Variants in BLK observed in about 807,000 individuals in gnomAD.
BLK encodes tyrosine-protein kinase Blk.
Under a neutral mutation model 61.8 loss-of-function variants are expected in BLK, and 64 were observed. That is an observed-to-expected ratio of 1.03 (90% CI 0.85 to 1.27). BLK has a LOEUF of 1.27. Ranked by LOEUF, BLK falls within the 50% of genes most tolerant of loss-of-function variation. The pLI is 0.00. For missense variants in BLK, 853 were observed against 660.5 expected (o/e 1.29, Z -3.19); for synonymous variants, 351 against 272.0 (o/e 1.29, Z -2.86).
At chr8:11,515,185 G>C (rs1363918103) in intron 1 of BLK, among the ~76,000 whole-genome samples, 1 of 152,162 alleles carries the variant, frequency 6.6e-6, no homozygotes, top group Non-Finnish European at 1.5e-5. Context: ...GCTGTCCCCT[G>C]GGCTGGGTGG....
At chr8:11,548,411 T>C (rs1800744271) in intron 4 of BLK, among the ~76,000 whole-genome samples, 1 of 152,256 alleles carries the variant, frequency 6.6e-6, no homozygotes, top group South Asian at 2.1e-4. Context: ...CATGTGGACC[T>C]TGTCCTTTAT....
chr8:11,555,263 A>C, intron 7 of BLK, 69 bp from the exon 8 acceptor site: 1 of 1,606,528 alleles, frequency 6.2e-7, no homozygotes, highest in Non-Finnish European at 8.5e-7. Context: ...GCTAGGAATG[A>C]TACAGCTCCC....
chr8:11,549,891 A>G, intron 5 of BLK: 1 of 482,440 alleles, frequency 2.1e-6, no homozygotes, highest in Non-Finnish European at 3.8e-6. Context: ...TTTCCAAAGC[A>G]AAATTAACAA....
intron 1 of BLK, among the ~76,000 whole-genome samples, chr8:11,510,166 C>T (rs1416620936): frequency 2.6e-5 from 4 of 152,192 alleles, no homozygotes; most frequent in Non-Finnish European, 5.9e-5. Context: ...CTTTCCTAAT[C>T]CCTTCAAGGA....
intron 1 of BLK, among the ~76,000 whole-genome samples, chr8:11,538,604 G>A (rs192697286): frequency 5.3e-5 from 8 of 152,350 alleles, no homozygotes; most frequent in African/African-American, 1.9e-4. Flanking sequence ...GTGGACACAG[G>A]TGTTTGCCAG....
At chr8:11,505,103 C>G (rs1798719790) in intron 1 of BLK, among the ~76,000 whole-genome samples, 1 of 152,162 alleles carries the variant, frequency 6.6e-6, no homozygotes, top group Non-Finnish European at 1.5e-5. Flanking sequence ...CACAAAGATA[C>G]ACAGGCACAC....
intron 1 of BLK, among the ~76,000 whole-genome samples, chr8:11,512,924 C>T (rs1799073827): frequency 1.3e-5 from 2 of 152,208 alleles, no homozygotes; most frequent in Admixed American, 6.5e-5. Context: ...GCTTCGGCCT[C>T]CCAGACTGCT....
chr8:11,506,645 G>T (rs1023834537), intron 1 of BLK, among the ~76,000 whole-genome samples: 1 of 152,192 alleles, frequency 6.6e-6, no homozygotes, highest in Admixed American at 6.5e-5. Flanking sequence ...CTCCAGGGTG[G>T]GGTCTAAGTT....
rs571565311 is a variant in BLK at position 11,530,596 on chromosome 8, G to A, written c.-1-12628G>A. ...TCACAAATAATTTCCAAATTCTGGA[G>A]AAGGCAGGTAAAGAGAAAGAAATAT... On this transcript the variant is annotated intron_variant, in intron 1 of 12. Coordinates refer to ENST00000259089, the MANE Select transcript of BLK (RefSeq NM_001715.3). Among the ~76,000 whole-genome samples the A allele has an allele frequency of 1.4e-3, 207 of 152,310 alleles. 1 individual carries two copies. Among genetic ancestry groups the A allele is most frequent in the African/African-American group, 4.8e-3 (201 of 41,554 alleles).
chr8:11,542,349 C>T (rs559461676), intron 1 of BLK, among the ~76,000 whole-genome samples: 110 of 152,338 alleles, frequency 7.2e-4, no homozygotes, highest in African/African-American at 2.5e-3. Flanking sequence ...ACTAACAACA[C>T]GCCCTTCTGA....
intron 1 of BLK, among the ~76,000 whole-genome samples, chr8:11,511,222 T>A (rs2736354): frequency 6.6e-6 from 1 of 152,056 alleles, no homozygotes; most frequent in Admixed American, 6.5e-5. Context: ...TACAGCTCGG[T>A]CTTTTGTCTT....
intron 1 of BLK, among the ~76,000 whole-genome samples, chr8:11,517,513 G>C (rs1253280709): frequency 6.6e-6 from 1 of 152,228 alleles, no homozygotes; most frequent in Non-Finnish European, 1.5e-5. Context: ...AAGCACGCCT[G>C]GATGTTCCAG....
chr8:11,563,278 C>T (rs1216009480), intron 12 of BLK, among the ~76,000 whole-genome samples, 168 bp downstream of exon 12: 2 of 152,232 alleles, frequency 1.3e-5, no homozygotes, highest in Non-Finnish European at 2.9e-5. Context: ...CCCCCTGCAT[C>T]ACTATTGCTC....
chr8:11,548,243 C>T, intron 4 of BLK, 118 bp downstream of exon 4: 1 of 854,156 alleles, frequency 1.2e-6, no homozygotes, highest in East Asian at 2.6e-5. Context: ...ATCGCCCTGC[C>T]CCCAGCCCTG....
intron 1 of BLK, among the ~76,000 whole-genome samples, chr8:11,533,233 AC>A (rs1799964349): frequency 6.6e-6 from 1 of 152,176 alleles, no homozygotes; most frequent in African/African-American, 2.4e-5. Flanking sequence ...AAGGCCTGAG[AC>A]CTTTTCTTTT....
At chr8:11,562,046 T>A (rs1340464096) in intron 11 of BLK, among the ~76,000 whole-genome samples, 3 of 152,192 alleles carry the variant, frequency 2.0e-5, no homozygotes, top group African/African-American at 7.2e-5. Flanking sequence ...CTCGAACTCC[T>A]GAATTTAGGT....
chr8:11,545,896 A>G, intron 2 of BLK, 156 bp from the exon 3 acceptor site: 1 of 811,830 alleles, frequency 1.2e-6, no homozygotes. Context: ...GTCCCTGGGT[A>G]CAGAATGTCC....
chr8:11,554,262 C>T (rs1801072030), intron 6 of BLK: 1 of 205,910 alleles, frequency 4.9e-6, no homozygotes, highest in Admixed American at 5.2e-5. Context: ...AACAGAGCCC[C>T]TGGGCATAGC....
intron 1 of BLK, among the ~76,000 whole-genome samples, chr8:11,508,905 C>A (rs939787094): frequency 2.0e-5 from 3 of 152,180 alleles, no homozygotes; most frequent in African/African-American, 7.2e-5. Context: ...CCTGCCCATC[C>A]ACTGAGAGCT....
Sources: allele counts gnomAD v4.1 joint callset (sites outside exome capture counted in the v4.1 genomes callset), GRCh38; gene constraint gnomAD v4.1.1; transcripts MANE v1.5; gene names NCBI Gene and HGNC (gene_info 2026-07-23, HGNC 2026-07-21).